Variants in LEKR1 observed in about 807,000 individuals in gnomAD.
LEKR1 encodes the protein leucine, glutamate and lysine rich 1, also known as protein LEKR1.
LEKR1 carries 59 observed loss-of-function variants against 72.4 expected under a neutral mutation model. The ratio of observed to expected loss-of-function variants is 0.82; its 90% CI spans 0.66 to 1.01. The LOEUF (loss-of-function observed/expected upper bound fraction) is 1.01. LEKR1 is among the 50% of genes least tolerant of loss of function. The probability of loss-of-function intolerance (pLI) is 0.00; values close to 1 mark genes in which losing one functional copy is unlikely to be tolerated. For missense variants in LEKR1, 728 were observed against 759.2 expected (o/e 0.96, Z 0.48); for synonymous variants, 257 against 263.2 (o/e 0.98, Z 0.23).
rs555963650 is a variant in LEKR1, at chr3:156,927,981, CA to C, written c.559+382del. ...AAAGACAATAAAGAGTGACCCAAAG[CA>C]AAAACATAATGGAGGCAGTATCAAA... is the stretch of plus-strand genomic sequence containing the variant. On this transcript the variant is annotated intron_variant, in intron 5 of 12. Transcript: ENST00000356539. Among the ~76,000 whole-genome samples the C allele has an allele frequency of 2.0e-5, 3 of 151,926 alleles. No individual in the cohort carries two copies. The East Asian group carries it at 5.8e-4, about 29-fold the overall frequency.
At position 156,907,608 on chromosome 3, in the gene LEKR1, CTT is replaced by C. The variant is rs202113932; in HGVS notation, c.264-12966_264-12965del. ...ATTTGTACCAGAGATATATTTGACA[CTT>C]ATAGATTACTCATTGTACGTGCCCA... On this transcript the variant is annotated intron_variant, in intron 3 of 12. Transcript: ENST00000356539. 5.0e-3 allele frequency among the ~76,000 whole-genome samples: 762 copies of C among 152,102 alleles called. 8 individuals are homozygous for C. The highest frequency in any genetic ancestry group is 0.018 in the African/African-American group (736 of 41,512).
chr3:156,899,579 T>C (rs530967173), intron 3 of LEKR1, among the ~76,000 whole-genome samples: 9 of 143,520 alleles, frequency 6.3e-5, no homozygotes, highest in Admixed American at 1.4e-4. Flanking sequence ...TATATATACA[T>C]ATACATGTAT....
intron 3 of LEKR1, among the ~76,000 whole-genome samples, chr3:156,859,442 A>G (rs1053163731): frequency 6.6e-5 from 10 of 152,178 alleles, no homozygotes; most frequent in African/African-American, 2.4e-4. Flanking sequence ...CAAATTAATA[A>G]ACTTTATTTT....
intron 4 of LEKR1, among the ~76,000 whole-genome samples, chr3:156,927,189 T>C (rs1031082435): frequency 8.6e-5 from 13 of 151,930 alleles, no homozygotes; most frequent in Admixed American, 8.5e-4. Flanking sequence ...TAGCTATCTT[T>C]CTTTGTAGTT....
intron 7 of LEKR1, 53 bp from the exon 8 acceptor site, chr3:156,992,600 A>G: frequency 2.9e-6 from 1 of 340,222 alleles, no homozygotes; most frequent in Non-Finnish European, 5.1e-6. Context: ...CTACAGAAAA[A>G]CATATACTTT....
chr3:156,829,366 G>T lies in LEKR1; in HGVS notation c.37G>T (p.Glu13Ter). ...HHIPMHALPE[E>*]IQKMLPEEKV... ...CATTCCCATGCATGCGTTGCCTGAA[G>T]AAATCCAAAAGGTATGATATATTGT... Residue 13 changes from glutamate to a stop codon, truncating the protein, a stop_gained, in exon 2 of 13, where the codon GAA becomes TAA. Transcript: ENST00000356539. LOFTEE classifies it high-confidence loss of function. The T allele has an allele frequency of 6.5e-7, 1 of 1,533,706 alleles. No individual in the cohort carries two copies. The highest frequency in any genetic ancestry group is 8.7e-7 in the Non-Finnish European group (1 of 1,144,988).
chr3:156,883,628 G>A (rs1327688531), intron 3 of LEKR1, among the ~76,000 whole-genome samples: 8 of 152,292 alleles, frequency 5.3e-5, no homozygotes, highest in Admixed American at 5.2e-4. Context: ...TCTCATGGTA[G>A]TGAATAAGTC....
chr3:156,983,317 A>G (rs1730397980), intron 7 of LEKR1, among the ~76,000 whole-genome samples: 1 of 152,174 alleles, frequency 6.6e-6, no homozygotes, highest in African/African-American at 2.4e-5. Flanking sequence ...ATTAAAACAC[A>G]GAGAAGGGAG....
intron 9 of LEKR1, among the ~76,000 whole-genome samples, chr3:157,004,592 A>T (rs950615888): frequency 6.6e-6 from 1 of 152,150 alleles, no homozygotes; most frequent in Non-Finnish European, 1.5e-5. Flanking sequence ...AAACCAAAGA[A>T]ATTTTAAAGG....
chr3:156,935,717 T>A (rs1283582674), intron 5 of LEKR1, among the ~76,000 whole-genome samples: 1 of 152,178 alleles, frequency 6.6e-6, no homozygotes, highest in Non-Finnish European at 1.5e-5. Flanking sequence ...CGCTTTCCCA[T>A]AGGTTAGCCA....
intron 2 of LEKR1, among the ~76,000 whole-genome samples, chr3:156,833,228 A>G (rs1268305702): frequency 2.0e-5 from 3 of 152,212 alleles, no homozygotes; most frequent in Non-Finnish European, 4.4e-5. Flanking sequence ...TTTGATATTC[A>G]TGAACACTTC....
intron 3 of LEKR1, among the ~76,000 whole-genome samples, chr3:156,882,651 G>A (rs1576733485): frequency 6.6e-6 from 1 of 152,012 alleles, no homozygotes; most frequent in East Asian, 1.9e-4. Context: ...CCCATTACTG[G>A]GTATATACCC....
chr3:156,953,567 T>A (rs1039155938), intron 6 of LEKR1, among the ~76,000 whole-genome samples: 1 of 151,660 alleles, frequency 6.6e-6, no homozygotes, highest in East Asian at 1.9e-4. Context: ...CATATGTTCC[T>A]ATCATTCAGC....
intron 3 of LEKR1, among the ~76,000 whole-genome samples, chr3:156,885,065 G>C (rs995995575): frequency 6.6e-6 from 1 of 152,026 alleles, no homozygotes; most frequent in Non-Finnish European, 1.5e-5. Flanking sequence ...ACTTGTTCTA[G>C]TCTATTGTTG....
chr3:156,951,252 G>A (rs1424072347), intron 6 of LEKR1, among the ~76,000 whole-genome samples: 1 of 151,762 alleles, frequency 6.6e-6, no homozygotes. Context: ...ATGTGCTGCT[G>A]AATTTGGTTT....
At chr3:157,031,188 T>C (rs1221657658) in intron 12 of LEKR1, among the ~76,000 whole-genome samples, 1 of 152,110 alleles carries the variant, frequency 6.6e-6, no homozygotes, top group Non-Finnish European at 1.5e-5. Flanking sequence ...GATTTCTTCA[T>C]CGACAAAAGG....
chr3:156,896,220 C>T lies in LEKR1; in HGVS notation c.264-24355C>T, dbSNP rs1276011503. Reference sequence around the variant, plus strand: ...GTCAGGGGGCATGGTGAGGGGAGAGCCTCAGTAAAAATAGCTAATGGATGC... The same window carrying T: ...GTCAGGGGGCATGGTGAGGGGAGAGTCTCAGTAAAAATAGCTAATGGATGC... On this transcript the variant is annotated intron_variant, in intron 3 of 12. Transcript: ENST00000356539. Among the ~76,000 whole-genome samples the T allele has an allele frequency of 1.3e-5, 2 of 151,880 alleles. 1 individual carries two copies. Among genetic ancestry groups the T allele is most frequent in the South Asian group, 4.1e-4 (2 of 4,820 alleles).
intron 10 of LEKR1, among the ~76,000 whole-genome samples, chr3:157,022,620 G>A (rs1733921348): frequency 6.6e-6 from 1 of 152,132 alleles, no homozygotes; most frequent in Admixed American, 6.6e-5. Context: ...GGGAGAAACA[G>A]GCTTTGGGAA....
intron 5 of LEKR1, among the ~76,000 whole-genome samples, chr3:156,928,995 T>C (rs556273570): frequency 1.2e-4 from 18 of 152,198 alleles, no homozygotes; most frequent in Non-Finnish European, 1.5e-4. Flanking sequence ...TCAGATGATA[T>C]AATTAGCTAA....
Sources: gnomAD v4.1 joint callset for allele counts (sites outside exome capture counted in the v4.1 genomes callset) on GRCh38, gnomAD v4.1.1 for gene constraint, MANE v1.5 for transcripts, NCBI Gene and HGNC (gene_info 2026-07-23, HGNC 2026-07-21) for gene names.